The following DCLK2 variants were observed in gnomAD, a reference collection of about 807,000 sequenced individuals.
DCLK2 encodes the protein doublecortin like kinase 2.
In DCLK2, 31 loss-of-function variants were observed where a neutral mutation model predicts 78.4. The ratio of observed to expected loss-of-function variants is 0.40; its 90% confidence interval spans 0.30 to 0.53. DCLK2 has a LOEUF of 0.53. Among genes scored for constraint, DCLK2 ranks in the 20% least tolerant of loss-of-function variants. The pLI is 0.61. For synonymous variants in DCLK2, 407 were observed against 374.9 expected (o/e 1.09, Z -0.99); for missense variants, 872 against 973.7 (o/e 0.90, Z 1.39).
At chr4:150,172,767 G>C (rs377117853) in intron 2 of DCLK2, among the ~76,000 whole-genome samples, 8 of 146,636 alleles carry the variant, frequency 5.5e-5, no homozygotes, top group South Asian at 2.3e-4. Flanking sequence ...TTTTGGGGGG[G>C]GGGGGGATAC....
At position 150,088,799 on chromosome 4, in the gene DCLK2, A is replaced by G. The variant is rs186440127; in HGVS notation, c.421+9351A>G. 3.0e-3 allele frequency among the ~76,000 whole-genome samples: 452 copies of G among 152,302 alleles called. 4 individuals carry two copies. Among genetic ancestry groups the G allele is most frequent in the African/African-American group, 0.01 (432 of 41,572 alleles). On this transcript the variant is annotated intron_variant, in intron 1 of 15. Coordinates refer to ENST00000296550, the MANE Select transcript of DCLK2 (RefSeq NM_001040260.4). ...AACCTGTAGTTTATTCAGCCTCCCC[A>G]AGGGGAAAAAAAGATCATTCCAGCC... is the stretch of plus-strand genomic sequence containing the variant.
intron 1 of DCLK2, among the ~76,000 whole-genome samples, chr4:150,100,973 C>T (rs1204253451): frequency 6.6e-6 from 1 of 152,130 alleles, no homozygotes; most frequent in East Asian, 1.9e-4. Context: ...TTCTTGGGGC[C>T]AGGCATGGTG....
At chr4:150,253,156 G>T in intron 15 of DCLK2, 1 of 469,234 alleles carries the variant, frequency 2.1e-6, no homozygotes, top group South Asian at 1.5e-5. Flanking sequence ...TCCTGTCTTC[G>T]GAACAGTTTT....
rs566826168 is a variant in DCLK2, at chr4:150,180,559, CTCATGA to C, written c.757-12574_757-12569del. Among the ~76,000 whole-genome samples the C allele has an allele frequency of 2.5e-3, 384 of 152,256 alleles. 3 individuals are homozygous for C. The highest frequency in any genetic ancestry group is 8.7e-3 in the African/African-American group (362 of 41,546). ...CACTCTAGCTTCTTCAGAATAAAAG[CTCATGA>C]TCATTGGACTCAATAGGTTTCTTCT... On this transcript the variant is annotated intron_variant, in intron 2 of 15. Coordinates refer to ENST00000296550, the MANE Select transcript of DCLK2 (RefSeq NM_001040260.4).
chr4:150,241,256 C>T (rs1453496341), intron 12 of DCLK2, among the ~76,000 whole-genome samples: 1 of 152,170 alleles, frequency 6.6e-6, no homozygotes, highest in Non-Finnish European at 1.5e-5. Context: ...TCTTGGTAAC[C>T]ATTTGCTTCA....
chr4:150,167,912 G>A (rs544842633), intron 2 of DCLK2, among the ~76,000 whole-genome samples: 15 of 152,270 alleles, frequency 9.9e-5, no homozygotes, highest in East Asian at 7.7e-4. Flanking sequence ...GTGAGCATGC[G>A]TACAACTCCA....
At chr4:150,150,574 T>G (rs1369509181) in intron 2 of DCLK2, among the ~76,000 whole-genome samples, 1 of 152,234 alleles carries the variant, frequency 6.6e-6, no homozygotes, top group Non-Finnish European at 1.5e-5. Context: ...ATGTAGCATT[T>G]ATTTTTTTAA....
chr4:150,169,314 A>G lies in DCLK2; in HGVS notation c.757-23824A>G, dbSNP rs529788653. ...TTAAAAACTTTAGACAAATTAAACAATTTATTTGAGCATAGAATGATTCGT... is the reference window on the plus strand; with the variant it reads ...TTAAAAACTTTAGACAAATTAAACAGTTTATTTGAGCATAGAATGATTCGT... On this transcript the variant is annotated intron_variant, in intron 2 of 15. Transcript: ENST00000296550. 3.3e-5 allele frequency among the ~76,000 whole-genome samples: 5 copies of G among 152,344 alleles called. No homozygotes were observed. In the South Asian group the frequency reaches 6.2e-4, roughly 19 times the overall value.
intron 2 of DCLK2, among the ~76,000 whole-genome samples, chr4:150,191,348 T>G (rs1738436295): frequency 6.6e-6 from 1 of 151,782 alleles, no homozygotes; most frequent in South Asian, 2.1e-4. Context: ...CCGATACCCT[T>G]GCAAACAGAA....
chr4:150,083,849 A>T (rs550465260), intron 1 of DCLK2, among the ~76,000 whole-genome samples: 1 of 152,300 alleles, frequency 6.6e-6, no homozygotes, highest in South Asian at 2.1e-4. Flanking sequence ...GTCTCTTCCC[A>T]CTTCTCTGGG....
At chr4:150,152,833 T>C (rs1262854634) in intron 2 of DCLK2, among the ~76,000 whole-genome samples, 1 of 152,202 alleles carries the variant, frequency 6.6e-6, no homozygotes, top group Non-Finnish European at 1.5e-5. Flanking sequence ...GGTGCTTGAA[T>C]ATACAAAATG....
chr4:150,176,074 A>T (rs1580654411), intron 2 of DCLK2, among the ~76,000 whole-genome samples: 1 of 152,244 alleles, frequency 6.6e-6, no homozygotes, highest in Non-Finnish European at 1.5e-5. Flanking sequence ...TACGTTTGGG[A>T]TCCCACTAAT....
chr4:150,102,299 C>G (rs1326732646), intron 1 of DCLK2, among the ~76,000 whole-genome samples, 179 bp from the exon 2 acceptor site: 1 of 152,118 alleles, frequency 6.6e-6, no homozygotes, highest in African/African-American at 2.4e-5. Context: ...CAAAACCAAT[C>G]TAGACTATTT....
intron 2 of DCLK2, among the ~76,000 whole-genome samples, chr4:150,172,742 G>A (rs1191973208): frequency 7.5e-6 from 1 of 133,972 alleles, no homozygotes; most frequent in Non-Finnish European, 1.6e-5. Flanking sequence ...TCACTCTAGA[G>A]AGTGTTCTTT....
intron 2 of DCLK2, among the ~76,000 whole-genome samples, chr4:150,107,564 T>C (rs1007259877): frequency 1.3e-5 from 2 of 151,712 alleles, no homozygotes; most frequent in African/African-American, 4.8e-5. Context: ...TTTGTAGAAA[T>C]TGGGTTTCCC....
intron 2 of DCLK2, among the ~76,000 whole-genome samples, chr4:150,131,495 A>C (rs554090959): frequency 1.3e-5 from 2 of 152,262 alleles, no homozygotes; most frequent in East Asian, 3.9e-4. Context: ...TGACCCAAGA[A>C]AATGTGACGA....
At position 150,247,661 on chromosome 4, in the gene DCLK2, C is replaced by T. The variant is rs1743432222; in HGVS notation, c.1837C>T (p.Pro613Ser). ...GATCTTGGCTGGGAAGCTGGAGTTT[C>T]CGGCCCCCTACTGGGATAACATCAC... ...DQILAGKLEFPAPYWDNITDS... is the reference protein window; with the variant it reads ...DQILAGKLEFSAPYWDNITDS... Residue 613 changes from proline to serine, a missense_variant, in exon 13 of 16, where the codon CCG becomes TCG. Physicochemically the swap from Pro to Ser is moderately conservative, Grantham distance 74 (BLOSUM62 -1). This residue lies in a region of DCLK2 where 219 missense variants were observed against 230.1 expected (regional missense o/e 0.95). Transcript: ENST00000296550. The T allele has an allele frequency of 6.2e-7, 1 of 1,613,978 alleles. No individual in the cohort carries two copies. Among genetic ancestry groups the T allele is most frequent in the Admixed American group, 1.7e-5 (1 of 60,012 alleles).
chr4:150,159,440 T>C (rs1735546044), intron 2 of DCLK2, among the ~76,000 whole-genome samples: 1 of 152,240 alleles, frequency 6.6e-6, no homozygotes, highest in Non-Finnish European at 1.5e-5. Context: ...TCCTAATCCC[T>C]GTCTCTCACC....
chr4:150,120,442 A>C (rs1357569609), intron 2 of DCLK2, among the ~76,000 whole-genome samples: 1 of 152,196 alleles, frequency 6.6e-6, no homozygotes, highest in Non-Finnish European at 1.5e-5. Context: ...CTAGAGAGAA[A>C]AGGCTAGGCT....
Sources: allele counts gnomAD v4.1 joint callset (sites outside exome capture counted in the v4.1 genomes callset), GRCh38; gene constraint gnomAD v4.1.1; regional missense constraint gnomAD v4.1.1; transcripts MANE v1.5; gene names NCBI Gene and HGNC (gene_info 2026-07-23, HGNC 2026-07-21).